Variants in COMMD1 observed in about 807,000 individuals in gnomAD.
COMMD1 encodes COMM domain-containing protein 1.
Under a neutral mutation model 17.2 loss-of-function variants are expected in COMMD1, and 10 were observed. That is an observed-to-expected ratio of 0.58 (90% CI 0.36 to 0.99). COMMD1 has a LOEUF of 0.99. Ranked by LOEUF, COMMD1 falls within the 50% of genes least tolerant of loss-of-function variation. The probability of loss-of-function intolerance (pLI) is 0.01; values close to 1 mark genes in which losing one functional copy is unlikely to be tolerated. For missense variants in COMMD1, 270 were observed against 231.8 expected (o/e 1.17, Z -1.07); for synonymous variants, 97 against 91.6 (o/e 1.06, Z -0.34).
At chr2:62,091,557 G>A (rs1671830048) in intron 2 of COMMD1, among the ~76,000 whole-genome samples, 1 of 152,186 alleles carries the variant, frequency 6.6e-6, no homozygotes, top group Admixed American at 6.5e-5. Context: ...GTATGCCCAT[G>A]TCTGGGTATT....
intron 1 of COMMD1, among the ~76,000 whole-genome samples, chr2:61,931,008 A>G (rs544607703): frequency 6.6e-6 from 1 of 152,040 alleles, no homozygotes. Context: ...GCTTATACAC[A>G]GGCAGTAATT....
chr2:61,976,557 T>C (rs1558544730), intron 1 of COMMD1, among the ~76,000 whole-genome samples: 1 of 152,204 alleles, frequency 6.6e-6, no homozygotes, highest in East Asian at 1.9e-4. Flanking sequence ...ATGAATCCAC[T>C]ATTTATAGTT....
chr2:61,891,659 C>T (rs971258720), intron 1 of COMMD1, among the ~76,000 whole-genome samples: 1 of 151,612 alleles, frequency 6.6e-6, no homozygotes, highest in Admixed American at 6.6e-5. Flanking sequence ...ACTCGGGAGG[C>T]AGAGGTTGTA....
At chr2:61,963,184 A>T (rs1168992757) in intron 1 of COMMD1, among the ~76,000 whole-genome samples, 1 of 133,404 alleles carries the variant, frequency 7.5e-6, no homozygotes, top group African/African-American at 3.2e-5. Context: ...ATATATATAT[A>T]TTATATACAC....
intron 1 of COMMD1, among the ~76,000 whole-genome samples, chr2:61,933,973 C>G (rs1203745433): frequency 3.3e-5 from 5 of 152,036 alleles, no homozygotes; most frequent in African/African-American, 1.2e-4. Context: ...CCATGTTGGT[C>G]AGGCTGGTCT....
intron 1 of COMMD1, among the ~76,000 whole-genome samples, chr2:61,976,489 T>TA (rs1448482369): frequency 6.6e-6 from 1 of 152,134 alleles, no homozygotes; most frequent in Non-Finnish European, 1.5e-5. Flanking sequence ...TGTATATTCT[T>TA]AACAATAAGC....
intron 1 of COMMD1, among the ~76,000 whole-genome samples, chr2:61,945,597 C>T (rs1670883977): frequency 6.6e-6 from 1 of 152,138 alleles, no homozygotes; most frequent in Admixed American, 6.5e-5. Context: ...GTTTATTTTG[C>T]TGGGGTTAAG....
At chr2:62,031,712 TG>T (rs1211154820) in intron 2 of COMMD1, among the ~76,000 whole-genome samples, 2 of 152,230 alleles carry the variant, frequency 1.3e-5, no homozygotes, top group African/African-American at 4.8e-5. Context: ...AATTTCATTT[TG>T]AAGACCTTTG....
chr2:61,987,053 G>A (rs147943427), intron 1 of COMMD1, among the ~76,000 whole-genome samples: 1 of 152,118 alleles, frequency 6.6e-6, no homozygotes, highest in Non-Finnish European at 1.5e-5. Context: ...CCATTTTGTT[G>A]TTAAATTCAT....
chr2:61,920,798 T>G (rs886616179), intron 1 of COMMD1, among the ~76,000 whole-genome samples: 8 of 151,812 alleles, frequency 5.3e-5, no homozygotes, highest in African/African-American at 1.9e-4. Context: ...TCCAAATCTG[T>G]TTTGATTTTC....
chr2:61,965,068 G>C (rs1671471686), intron 1 of COMMD1, among the ~76,000 whole-genome samples: 2 of 152,106 alleles, frequency 1.3e-5, no homozygotes, highest in South Asian at 4.1e-4. Context: ...TTGAGGGATT[G>C]AGCACTTTTT....
intron 2 of COMMD1, among the ~76,000 whole-genome samples, chr2:62,094,538 C>T (rs779822648): frequency 2.0e-5 from 3 of 152,026 alleles, no homozygotes; most frequent in Non-Finnish European, 4.4e-5. Flanking sequence ...GGGACATTTA[C>T]ATTTAAACAA....
At chr2:62,109,357 A>T (rs1672394214) in intron 2 of COMMD1, among the ~76,000 whole-genome samples, 2 of 152,236 alleles carry the variant, frequency 1.3e-5, no homozygotes, top group Admixed American at 6.5e-5. Flanking sequence ...GTTTTAAAAC[A>T]GCTAATATAC....
At chr2:62,084,542 T>C (rs976406870) in intron 2 of COMMD1, among the ~76,000 whole-genome samples, 4 of 152,134 alleles carry the variant, frequency 2.6e-5, no homozygotes, top group African/African-American at 4.8e-5. Context: ...GAAGAAAATT[T>C]GCGTGTAAAT....
chr2:61,932,334 G>C (rs1460759093), intron 1 of COMMD1, among the ~76,000 whole-genome samples: 2 of 152,236 alleles, frequency 1.3e-5, no homozygotes, highest in Admixed American at 6.5e-5. Flanking sequence ...AAGAGATTCA[G>C]ATACCACTTA....
chr2:61,916,895 G>T (rs908783465), intron 1 of COMMD1, among the ~76,000 whole-genome samples: 1 of 152,154 alleles, frequency 6.6e-6, no homozygotes, highest in African/African-American at 2.4e-5. Context: ...GATGTAAATT[G>T]TGAAGAAGTT....
At chr2:62,131,730 A>G (rs979936500) in intron 2 of COMMD1, among the ~76,000 whole-genome samples, 4 of 151,784 alleles carry the variant, frequency 2.6e-5, no homozygotes, top group Admixed American at 6.6e-5. Flanking sequence ...TTTTTTAGAG[A>G]TGGGGTTTCG....
intron 2 of COMMD1, among the ~76,000 whole-genome samples, chr2:62,091,850 C>A (rs184181530): frequency 6.6e-6 from 1 of 152,298 alleles, no homozygotes; most frequent in East Asian, 1.9e-4. Context: ...CCTGGTTAGA[C>A]CCCCTCAGTG....
At chr2:62,011,891 CA>C (rs961196595) in intron 2 of COMMD1, among the ~76,000 whole-genome samples, 2 of 152,000 alleles carry the variant, frequency 1.3e-5, no homozygotes, top group African/African-American at 2.4e-5. Flanking sequence ...ATAAGAACAA[CA>C]AAAAAGTTGA....
Sources: gnomAD v4.1 joint callset for allele counts (sites outside exome capture counted in the v4.1 genomes callset) on GRCh38, gnomAD v4.1.1 for gene constraint, MANE v1.5 for transcripts, NCBI Gene and HGNC (gene_info 2026-07-23, HGNC 2026-07-21) for gene names.